The following IRS1 variants were observed in gnomAD, a reference collection of about 807,000 sequenced individuals.
IRS1 encodes the protein insulin receptor substrate 1.
Under a neutral mutation model 65.6 loss-of-function variants are expected in IRS1, and 34 were observed. The ratio of observed to expected loss-of-function variants is 0.52; its 90% confidence interval spans 0.39 to 0.69. The LOEUF is 0.69. Ranked by LOEUF, IRS1 falls within the 30% of genes least tolerant of loss-of-function variation. The pLI, the probability that IRS1 is intolerant of heterozygous loss-of-function variation, is 0.00. For missense variants in IRS1, 1,641 were observed against 1,720.2 expected, an observed-to-expected ratio of 0.95 and a Z score of 0.81; for synonymous variants, 699 against 683.5, an observed-to-expected ratio of 1.02 and a Z score of -0.35.
chr2:226,798,707 G>A lies in IRS1; in HGVS notation c.32C>T (p.Ser11Leu), dbSNP rs747368142. The stretch of plus-strand genomic sequence containing the variant: ...CAGGTAGCCCACCTTGCGCACGTCC[G>A]AGAAGCCATCGCTCTCCGGAGGGCT... MASPPESDGF[S>L]DVRKVGYLRK... The change falls in exon 1 of 2, where the codon TCG becomes TTG. Residue 11 changes from serine to leucine, a missense_variant. By Grantham distance (145) the Ser-to-Leu change is moderately radical (BLOSUM62 -2). Transcript: ENST00000305123. The surrounding 1 kb of genome is among the most constrained non-coding windows in gnomAD (Gnocchi z 9.4). 1.7e-5 allele frequency: 28 copies of A among 1,612,584 alleles called. No individual in the cohort carries two copies. The Admixed American group carries it at 3.8e-4, about 22-fold the overall frequency.
intron 1 of IRS1, among the ~76,000 whole-genome samples, chr2:226,748,596 C>A (rs1357670171): frequency 1.3e-5 from 2 of 151,896 alleles, no homozygotes; most frequent in Non-Finnish European, 2.9e-5. Flanking sequence ...AGAGGTTTTC[C>A]CTACTTTATA....
chr2:226,761,933 C>G (rs1251499523), intron 1 of IRS1, among the ~76,000 whole-genome samples: 3 of 152,184 alleles, frequency 2.0e-5, no homozygotes, highest in Non-Finnish European at 2.9e-5. Context: ...TTATTTTTAG[C>G]CAAGACCTCT....
In IRS1 at chr2:226,733,557, A is replaced by C. The variant is rs1938270017; in HGVS notation, c.*2715T>G. The C allele has an allele frequency of 6.6e-6, 1 of 152,226 alleles. No homozygotes were observed. Among genetic ancestry groups the C allele is most frequent in the Non-Finnish European group, 1.5e-5 (1 of 68,046 alleles). 9.4% of individuals were successfully genotyped at this position (152,226 alleles called of 1,614,324 possible). A position where few individuals can be genotyped will look rare whatever the true frequency, so the allele number is the denominator to read the frequency against. ...TAAAACTCTGCTTAAGTCTCTAAGG[A>C]AAAACGCTGTGAGAGGTTGGTGTCA... is the stretch of plus-strand genomic sequence containing the variant. On this transcript the variant is annotated 3_prime_UTR_variant, in exon 2 of 2. Transcript: ENST00000305123.
chr2:226,768,388 G>A (rs1939097217), intron 1 of IRS1, among the ~76,000 whole-genome samples: 1 of 152,052 alleles, frequency 6.6e-6, no homozygotes, highest in Non-Finnish European at 1.5e-5. Context: ...TCTCAACAAG[G>A]AATGAGATTT....
intron 1 of IRS1, among the ~76,000 whole-genome samples, chr2:226,776,076 G>A (rs1193506216): frequency 6.6e-6 from 1 of 151,988 alleles, no homozygotes; most frequent in Non-Finnish European, 1.5e-5. Context: ...AACTGGGGCA[G>A]GAAATAAACA....
At position 226,732,885 on chromosome 2, in the gene IRS1, A is replaced by G. The variant is rs1234757796; in HGVS notation, c.*3387T>C. The stretch of plus-strand genomic sequence containing the variant: ...CAAAAGGGTCACATCTCTCCCCGCC[A>G]AGGTCTTAATTCACAGTGTCTGGAT... On this transcript the variant is annotated 3_prime_UTR_variant, in exon 2 of 2. Transcript: ENST00000305123. 1 of 152,110 alleles carries G rather than the reference A, an allele frequency of 6.6e-6. No individual in the cohort carries two copies. The highest frequency in any genetic ancestry group is 1.5e-5 in the Non-Finnish European group (1 of 68,018). 9.4% of individuals were successfully genotyped at this position (152,110 alleles called of 1,614,324 possible). A position where few individuals can be genotyped will look rare whatever the true frequency, so the allele number is the denominator to read the frequency against.
At chr2:226,746,065 G>A (rs1249288087) in intron 1 of IRS1, among the ~76,000 whole-genome samples, 1 of 152,056 alleles carries the variant, frequency 6.6e-6, no homozygotes, top group Non-Finnish European at 1.5e-5. Flanking sequence ...CACGTACAAA[G>A]GGGAAGATCT....
chr2:226,796,640 G>A lies in IRS1; in HGVS notation c.2099C>T (p.Thr700Ile), dbSNP rs1284980300. The A allele has an allele frequency of 6.2e-7, 1 of 1,613,798 alleles. No homozygotes were observed. Among genetic ancestry groups the A allele is most frequent in the Non-Finnish European group, 8.5e-7 (1 of 1,179,906 alleles). ...AGAGTGGTGGCCCCCTACCCCGTTT[G>A]TCCACAGCTTTCCATAGCTGGTCCC... ...PSGTSYGKLW[T>I]NGVGGHHSHV... Residue 700 changes from threonine (T) to isoleucine (I), a missense_variant, in exon 1 of 2, where the codon ACA becomes ATA. Transcript: ENST00000305123.
Position 226,797,929 on chromosome 2 carries a change from G to C in IRS1, c.810C>G (p.Ser270Arg). 1 of 1,614,030 alleles carries C rather than the reference G, an allele frequency of 6.2e-7. No homozygotes were observed. The highest frequency in any genetic ancestry group is 8.5e-7 in the Non-Finnish European group (1 of 1,180,022). Residue 270 changes from serine to arginine, a missense_variant, in exon 1 of 2, where the codon AGC becomes AGG. Ser to Arg is a moderately radical substitution (Grantham distance 110, BLOSUM62 -1). Coordinates refer to ENST00000305123, the MANE Select transcript of IRS1 (RefSeq NM_005544.3). The surrounding 1 kb of genome is among the most constrained non-coding windows in gnomAD (Gnocchi z 8.1). ...MSDEFRPRSK[S>R]QSSSNCSNPI... Reference sequence around the variant, plus strand: ...GGTTAGAGCAGTTGGACGAGGACTGGCTCTTGCTGCGAGGGCGGAACTCAT... The same window carrying C: ...GGTTAGAGCAGTTGGACGAGGACTGCCTCTTGCTGCGAGGGCGGAACTCAT...
At chr2:226,784,407 A>T (rs968667076) in intron 1 of IRS1, among the ~76,000 whole-genome samples, 2 of 151,058 alleles carry the variant, frequency 1.3e-5, no homozygotes, top group African/African-American at 2.5e-5. Flanking sequence ...GTTTTTTTTT[A>T]ATTTTTTTAT....
chr2:226,777,242 T>C (rs1487609359), intron 1 of IRS1, among the ~76,000 whole-genome samples: 4 of 152,220 alleles, frequency 2.6e-5, no homozygotes, highest in African/African-American at 9.6e-5. Flanking sequence ...AAACTAGGTA[T>C]GGGGTACATA....
At chr2:226,762,765 C>T (rs1323733413) in intron 1 of IRS1, among the ~76,000 whole-genome samples, 1 of 152,138 alleles carries the variant, frequency 6.6e-6, no homozygotes, top group Non-Finnish European at 1.5e-5. Flanking sequence ...CCTGTAATAA[C>T]ATTTGCACCA....
Position 226,799,433 on chromosome 2 carries a change from C to T in IRS1, c.-695G>A, listed in dbSNP as rs574126119. The T allele has an allele frequency of 6.8e-5, 82 of 1,211,756 alleles. No individual in the cohort carries two copies. In the African/African-American group the frequency reaches 9.0e-4, roughly 13 times the overall value. The allele number at this position is 1,211,756 out of a possible 1,614,324, so 75.1% of individuals were successfully genotyped here. ...CGTCCTCTGCAGCCCCCATCCGGGC[C>T]CATCTCGGCGGGTGGAGAAAGTGGC... On this transcript the variant is annotated 5_prime_UTR_variant, in exon 1 of 2. Coordinates refer to ENST00000305123, the MANE Select transcript of IRS1 (RefSeq NM_005544.3). The surrounding 1 kb of genome is among the most constrained non-coding windows in gnomAD (Gnocchi z 6.1).
In IRS1 at chr2:226,794,724, GAT is replaced by G; in HGVS notation, c.*21+263_*21+264del. On this transcript the variant is annotated intron_variant, in intron 1 of 1. Coordinates refer to ENST00000305123, the MANE Select transcript of IRS1 (RefSeq NM_005544.3). This position sits in a 1 kb window ranked among gnomAD's most constrained non-coding sequence, Gnocchi z 4.1. The stretch of plus-strand genomic sequence containing the variant: ...TCTACAAAACGCAGAACTGGCATAG[GAT>G]ATATGTTTTAAAAATACTGCAGTAA... 6.6e-6 allele frequency among the ~76,000 whole-genome samples: 1 copy of G among 152,294 alleles called. No individual in the cohort carries two copies. Among genetic ancestry groups the G allele is most frequent in the East Asian group, 1.9e-4 (1 of 5,186 alleles).
intron 1 of IRS1, among the ~76,000 whole-genome samples, chr2:226,737,793 G>A (rs1318182339): frequency 6.6e-6 from 1 of 152,218 alleles, no homozygotes; most frequent in East Asian, 1.9e-4. Context: ...ATAATGTGGG[G>A]ATGTGGAAAC....
chr2:226,791,872 G>A (rs924330714), intron 1 of IRS1, among the ~76,000 whole-genome samples: 9 of 152,128 alleles, frequency 5.9e-5, no homozygotes, highest in African/African-American at 2.2e-4. Context: ...ACGGGCGGGG[G>A]CGGGAGACCC....
chr2:226,761,863 C>T (rs1938920846), intron 1 of IRS1, among the ~76,000 whole-genome samples: 1 of 152,160 alleles, frequency 6.6e-6, no homozygotes, highest in African/African-American at 2.4e-5. Flanking sequence ...ACATGGATAA[C>T]AGAGGTTGCC....
At chr2:226,752,022 G>T (rs1938694712) in intron 1 of IRS1, among the ~76,000 whole-genome samples, 1 of 152,130 alleles carries the variant, frequency 6.6e-6, no homozygotes, top group Non-Finnish European at 1.5e-5. Context: ...GACTATCATG[G>T]TCTATAACAA....
At position 226,772,665 on chromosome 2, in the gene IRS1, C is replaced by T. The variant is rs141189079; in HGVS notation, c.*21+22324G>A. Reference sequence around the variant, plus strand: ...TGCTGGTAAATTCTTTCTCTTCCCCCTACATGGACAGTAAAAAAAAAAAAA... The same window carrying T: ...TGCTGGTAAATTCTTTCTCTTCCCCTTACATGGACAGTAAAAAAAAAAAAA... On this transcript the variant is annotated intron_variant, in intron 1 of 1. Transcript: ENST00000305123. 6.1e-4 allele frequency among the ~76,000 whole-genome samples: 91 copies of T among 148,284 alleles called. No homozygotes were observed. The East Asian group carries it at 0.017, about 28-fold the overall frequency.
Sources: gnomAD v4.1 joint callset for allele counts (sites outside exome capture counted in the v4.1 genomes callset) on GRCh38, gnomAD v4.1.1 for gene constraint, Gnocchi (gnomAD v3.1) non-coding constraint, MANE v1.5 for transcripts, NCBI Gene and HGNC (gene_info 2026-07-23, HGNC 2026-07-21) for gene names.